Variants in TRPA1 observed in about 807,000 individuals in gnomAD.
TRPA1 encodes transient receptor potential cation channel subfamily A member 1, also known as ankyrin-like with transmembrane domains 1.
A neutral mutation model predicts 131.3 loss-of-function variants in TRPA1; 129 were observed. That is an observed-to-expected ratio of 0.98 (90% CI 0.85 to 1.14). TRPA1 has a LOEUF of 1.14. Ranked by LOEUF, TRPA1 falls within the 50% of genes most tolerant of loss-of-function variation. The pLI is 0.00. For missense variants in TRPA1, 1,304 were observed against 1,354.2 expected (o/e 0.96, Z 0.58); for synonymous variants, 441 against 451.7 (o/e 0.98, Z 0.30).
At chr8:72,053,971 CATT>C in intron 12 of TRPA1, 104 bp from the exon 13 acceptor site, 2 of 766,358 alleles carry the variant, frequency 2.6e-6, no homozygotes, top group South Asian at 3.0e-5. Context: ...CAACAAAAAG[CATT>C]ATTGAGATCT....
At chr8:72,040,996 C>T (rs1377951908) in intron 17 of TRPA1, among the ~76,000 whole-genome samples, 1 of 151,978 alleles carries the variant, frequency 6.6e-6, no homozygotes, top group African/African-American at 2.4e-5. Context: ...GATATAAGAA[C>T]ACAGGCTGAA....
upstream of TRPA1, among the ~76,000 whole-genome samples, chr8:72,079,524 A>T (rs764454148): frequency 2.0e-5 from 3 of 151,950 alleles, no homozygotes; most frequent in Non-Finnish European, 4.4e-5. Flanking sequence ...CAAATGTAAG[A>T]GTTTGTTTCT....
the TRPA1 span, among the ~76,000 whole-genome samples, chr8:72,081,801 A>G: frequency 3.3e-5 from 5 of 151,742 alleles, no homozygotes; most frequent in Non-Finnish European, 5.9e-5. Flanking sequence ...TGATATTGTC[A>G]TGCCAGATCA....
the TRPA1 span, among the ~76,000 whole-genome samples, chr8:72,082,536 T>C: frequency 6.6e-6 from 1 of 152,208 alleles, no homozygotes; most frequent in African/African-American, 2.4e-5. Context: ...GAACATCTAA[T>C]AAGGCAAGTC....
the TRPA1 span, among the ~76,000 whole-genome samples, chr8:72,081,456 G>C: frequency 6.6e-6 from 1 of 151,702 alleles, no homozygotes; most frequent in African/African-American, 2.4e-5. Context: ...ACATACACTT[G>C]AAAATAATGT....
chr8:72,084,104 T>C, the TRPA1 span, among the ~76,000 whole-genome samples: 1 of 152,180 alleles, frequency 6.6e-6, no homozygotes, highest in African/African-American at 2.4e-5. Flanking sequence ...TGGAATTTCA[T>C]TAGGCTACAG....
chr8:72,055,926 T>C (rs147840558), intron 10 of TRPA1, 71 bp from the exon 11 acceptor site: 16,091 of 1,509,930 alleles, frequency 0.011, 461 homozygotes, highest in Admixed American at 0.1. Context: ...CAAACTATTC[T>C]GTAGGAAAAT....
rs1236229851 is a variant in TRPA1 at position 72,052,612 on chromosome 8, T to C, written c.1798A>G (p.Ile600Val). The part of the protein sequence containing the change: ...NKRKEVVLTI[I>V]RSKRWDECLK... ...AAGACAGTGTACCTTTTGCTCCTGA[T>C]GATCGTAAGAACAACCTCCTTCCTC... is the stretch of plus-strand genomic sequence containing the variant. Residue 600 changes from isoleucine to valine, a missense_variant, in exon 14 of 27, where the codon ATC becomes GTC. Physicochemically the swap from Ile to Val is conservative, Grantham distance 29. Coordinates refer to ENST00000262209, the MANE Select transcript of TRPA1 (RefSeq NM_007332.3). 3 of 1,613,444 alleles carry C rather than the reference T, an allele frequency of 1.9e-6. No individual in the cohort carries two copies. Among genetic ancestry groups the C allele is most frequent in the Admixed American group, 1.7e-5 (1 of 59,934 alleles).
chr8:72,033,598 G>C (rs1287955405), intron 23 of TRPA1, 46 bp downstream of exon 23: 2 of 1,510,266 alleles, frequency 1.3e-6, no homozygotes, highest in Non-Finnish European at 1.8e-6. Flanking sequence ...ATTATAAAAT[G>C]TTTCAAATGA....
At chr8:72,026,493 C>A (rs1394510687) in intron 24 of TRPA1, among the ~76,000 whole-genome samples, 1 of 152,102 alleles carries the variant, frequency 6.6e-6, no homozygotes, top group Non-Finnish European at 1.5e-5. Flanking sequence ...CGTGTGTGCA[C>A]GTGCACACAT....
chr8:72,069,273 A>G (rs1274970603), intron 2 of TRPA1, 75 bp from the exon 3 acceptor site: 4 of 1,447,246 alleles, frequency 2.8e-6, no homozygotes, highest in Admixed American at 1.7e-5. Context: ...CCTATACACT[A>G]TAAAACTCAG....
chr8:72,088,325 CT>C, the TRPA1 span, among the ~76,000 whole-genome samples: 1 of 94,880 alleles, frequency 1.1e-5, no homozygotes, highest in Non-Finnish European at 2.3e-5. Context: ...TGGTGGCATT[CT>C]TTTTTTCACC....
intron 21 of TRPA1, among the ~76,000 whole-genome samples, chr8:72,035,753 C>A (rs1426828815): frequency 6.6e-6 from 1 of 151,916 alleles, no homozygotes; most frequent in Non-Finnish European, 1.5e-5. Flanking sequence ...TAAATGCTTA[C>A]AAAATAATAT....
intron 23 of TRPA1, among the ~76,000 whole-genome samples, chr8:72,032,912 G>T (rs1466872988): frequency 1.3e-5 from 2 of 152,148 alleles, no homozygotes; most frequent in Non-Finnish European, 1.5e-5. Flanking sequence ...GTGCATAAAT[G>T]GATAAAGGAA....
At position 72,034,216 on chromosome 8, in the gene TRPA1, G is replaced by T; in HGVS notation, c.2685+32C>A. The T allele has an allele frequency of 1.9e-6, 3 of 1,582,678 alleles. No homozygotes were observed. The South Asian group carries it at 3.6e-5, about 19-fold the overall frequency. ...AATATATATTTCCATAATTCACAGC[G>T]ACAAAATCAACTACTGATGTAACTG... is the stretch of plus-strand genomic sequence containing the variant. On this transcript the variant is annotated intron_variant, in intron 22 of 26. Coordinates refer to ENST00000262209, the MANE Select transcript of TRPA1 (RefSeq NM_007332.3).
intron 25 of TRPA1, 78 bp downstream of exon 25, chr8:72,025,881 GC>G (rs1811587271): frequency 8.2e-7 from 1 of 1,220,498 alleles, no homozygotes; most frequent in African/African-American, 1.5e-5. Flanking sequence ...CTATAAAAGG[GC>G]CCCCTTAGGG....
intron 15 of TRPA1, among the ~76,000 whole-genome samples, chr8:72,048,451 CTG>C (rs2129434811): frequency 6.6e-6 from 1 of 152,184 alleles, no homozygotes; most frequent in East Asian, 1.9e-4. Flanking sequence ...AAGGAAGTCT[CTG>C]TTGGTGACTA....
chr8:72,063,770 T>C (rs891676243), intron 4 of TRPA1, among the ~76,000 whole-genome samples, 199 bp from the exon 5 acceptor site: 4 of 152,210 alleles, frequency 2.6e-5, no homozygotes, highest in African/African-American at 9.6e-5. Flanking sequence ...AGATATTTTA[T>C]ATCTTCCAAA....
chr8:72,086,976 T>G, the TRPA1 span, among the ~76,000 whole-genome samples: 1 of 152,214 alleles, frequency 6.6e-6, no homozygotes, highest in Admixed American at 6.5e-5. Context: ...TTGGTACTTA[T>G]TTAAGTACCA....
Sources: gnomAD v4.1 joint callset for allele counts (sites outside exome capture counted in the v4.1 genomes callset) on GRCh38, gnomAD v4.1.1 for gene constraint, MANE v1.5 for transcripts, NCBI Gene and HGNC (gene_info 2026-07-23, HGNC 2026-07-21) for gene names.